PDCD1LG2: variants seen among roughly 807,000 people sequenced by gnomAD.
The protein encoded by PDCD1LG2 is programmed cell death 1 ligand 2.
Under a neutral mutation model 28.2 loss-of-function variants are expected in PDCD1LG2, and 32 were observed. That is an observed-to-expected ratio of 1.13 (90% CI 0.86 to 1.52). The LOEUF (loss-of-function observed/expected upper bound fraction) is 1.52. PDCD1LG2 is among the 40% of genes most tolerant of loss of function. The pLI is 0.00. For missense variants in PDCD1LG2, 385 were observed against 323.8 expected, an observed-to-expected ratio of 1.19 and a Z score of -1.45; for synonymous variants, 116 against 120.2, an observed-to-expected ratio of 0.97 and a Z score of 0.23.
At chr9:5,561,735 T>C (rs1752308677) in intron 5 of PDCD1LG2, among the ~76,000 whole-genome samples, 1 of 152,188 alleles carries the variant, frequency 6.6e-6, no homozygotes, top group Non-Finnish European at 1.5e-5. Flanking sequence ...ACAGTTATCA[T>C]CATAGGCTGG....
intron 2 of PDCD1LG2, among the ~76,000 whole-genome samples, chr9:5,530,215 C>T (rs546306254): frequency 1.3e-5 from 2 of 152,200 alleles, no homozygotes; most frequent in African/African-American, 4.8e-5. Context: ...ATGCATCAAG[C>T]TAGGTGTTCT....
chr9:5,549,621 C>T lies in PDCD1LG2; in HGVS notation c.631+17C>T, dbSNP rs916072607. On this transcript the variant is annotated intron_variant, in intron 4 of 6. Coordinates refer to ENST00000397747, the MANE Select transcript of PDCD1LG2 (RefSeq NM_025239.4). ...ACCTTCAAAGTAAGAGCTGCCCCCACTTCCTAGGTCTATCAGTTAGGGTTC... is the reference window on the plus strand; with the variant it reads ...ACCTTCAAAGTAAGAGCTGCCCCCATTTCCTAGGTCTATCAGTTAGGGTTC... 1.3e-5 allele frequency: 21 copies of T among 1,613,158 alleles called. No homozygotes were observed. Among genetic ancestry groups the T allele is most frequent in the Non-Finnish European group, 1.7e-5 (20 of 1,179,408 alleles).
chr9:5,556,024 G>A (rs2381283), intron 4 of PDCD1LG2, among the ~76,000 whole-genome samples: 149,793 of 152,342 alleles, frequency 0.98, 73,673 homozygotes, highest in South Asian at 1. Flanking sequence ...TTCCATATTG[G>A]CACTTTTCAT....
At chr9:5,521,714 C>T (rs1436676158) in intron 1 of PDCD1LG2, among the ~76,000 whole-genome samples, 3 of 152,218 alleles carry the variant, frequency 2.0e-5, no homozygotes, top group Admixed American at 2.0e-4. Context: ...CTCAGAGCAG[C>T]TCTGCTGTTG....
intron 3 of PDCD1LG2, among the ~76,000 whole-genome samples, chr9:5,543,658 T>C (rs1388056256): frequency 6.6e-6 from 1 of 151,676 alleles, no homozygotes; most frequent in African/African-American, 2.4e-5. Flanking sequence ...CGTTTAAGCC[T>C]CTAAGGCCCA....
At chr9:5,516,582 A>G (rs1378894870) in intron 1 of PDCD1LG2, among the ~76,000 whole-genome samples, 1 of 152,150 alleles carries the variant, frequency 6.6e-6, no homozygotes, top group Non-Finnish European at 1.5e-5. Context: ...TGCCATCAAC[A>G]TGCTGTCCAT....
At chr9:5,544,514 C>A (rs1820754854) in intron 3 of PDCD1LG2, among the ~76,000 whole-genome samples, 1 of 152,190 alleles carries the variant, frequency 6.6e-6, no homozygotes, top group Non-Finnish European at 1.5e-5. Context: ...TATTGGCTGT[C>A]ACGTTCCTAG....
intron 4 of PDCD1LG2, among the ~76,000 whole-genome samples, chr9:5,557,397 T>C (rs1210724799): frequency 6.6e-6 from 1 of 152,140 alleles, no homozygotes; most frequent in Non-Finnish European, 1.5e-5. Context: ...GTGCCTCCCT[T>C]TCTTCACCAG....
rs61760970 is a variant in PDCD1LG2 at position 5,534,918 on chromosome 9, G to C, written c.229G>C (p.Glu77Gln). 1.2e-6 allele frequency: 2 copies of C among 1,614,162 alleles called. No homozygotes were observed. The highest frequency in any genetic ancestry group is 1.7e-6 in the Non-Finnish European group (2 of 1,180,022). The change falls in exon 3 of 7, where the codon GAG (glutamate) becomes CAG (glutamine). Residue 77 changes from glutamate (E) to glutamine (Q), a missense_variant. Physicochemically the swap from Glu to Gln is conservative, Grantham distance 29 (BLOSUM62 2). Transcript: ENST00000397747. Reference sequence around the variant, plus strand: ...ACACCGTGAAAGAGCCACTTTGCTGGAGGAGCAGCTGCCCCTAGGGAAGGC... The same window carrying C: ...ACACCGTGAAAGAGCCACTTTGCTGCAGGAGCAGCTGCCCCTAGGGAAGGC... ...SPHRERATLL[E>Q]EQLPLGKASF... is the part of the protein sequence containing the mutation.
At chr9:5,513,315 A>G (rs1820096365) in intron 1 of PDCD1LG2, among the ~76,000 whole-genome samples, 1 of 152,084 alleles carries the variant, frequency 6.6e-6, no homozygotes, top group Non-Finnish European at 1.5e-5. Flanking sequence ...TTCAACCCCA[A>G]ATCCTACCAG....
At chr9:5,555,454 C>A (rs1347997524) in intron 4 of PDCD1LG2, among the ~76,000 whole-genome samples, 3 of 152,132 alleles carry the variant, frequency 2.0e-5, no homozygotes, top group African/African-American at 7.2e-5. Context: ...AAAGAAACGA[C>A]AAAAGAGTAT....
rs61760971 is a variant in PDCD1LG2, at chr9:5,534,930, C to A, written c.241C>A (p.Pro81Thr). The part of the protein sequence containing the change: ...ERATLLEEQL[P>T]LGKASFHIPQ... ...AGCCACTTTGCTGGAGGAGCAGCTGCCCCTAGGGAAGGCCTCGTTCCACAT... is the reference window on the plus strand; with the variant it reads ...AGCCACTTTGCTGGAGGAGCAGCTGACCCTAGGGAAGGCCTCGTTCCACAT... Residue 81 changes from proline (P) to threonine (T), a missense_variant, in exon 3 of 7, where the codon CCC (proline) becomes ACC (threonine). Coordinates refer to ENST00000397747, the MANE Select transcript of PDCD1LG2 (RefSeq NM_025239.4). 6.2e-7 allele frequency: 1 copy of A among 1,614,080 alleles called. No individual in the cohort carries two copies. The highest frequency in any genetic ancestry group is 8.5e-7 in the Non-Finnish European group (1 of 1,180,000).
intron 2 of PDCD1LG2, among the ~76,000 whole-genome samples, chr9:5,524,434 A>G (rs1341960559): frequency 6.6e-6 from 1 of 152,278 alleles, no homozygotes; most frequent in Non-Finnish European, 1.5e-5. Context: ...CTGAAAGGAA[A>G]GTAAAAATGT....
At chr9:5,543,003 T>TTA (rs1820716117) in intron 3 of PDCD1LG2, among the ~76,000 whole-genome samples, 1 of 152,010 alleles carries the variant, frequency 6.6e-6, no homozygotes, top group African/African-American at 2.4e-5. Flanking sequence ...TATATGCATA[T>TTA]TATATATATA....
chr9:5,532,307 G>T (rs552170094), intron 2 of PDCD1LG2, among the ~76,000 whole-genome samples: 2 of 152,180 alleles, frequency 1.3e-5, no homozygotes, highest in African/African-American at 4.8e-5. Context: ...TTCTAGCCAT[G>T]GTTAAAACAG....
intron 6 of PDCD1LG2, among the ~76,000 whole-genome samples, chr9:5,563,501 C>G (rs918368574): frequency 2.6e-5 from 4 of 152,176 alleles, no homozygotes; most frequent in African/African-American, 9.7e-5. Flanking sequence ...AGAAGATATT[C>G]AACTGCGATG....
intron 1 of PDCD1LG2, among the ~76,000 whole-genome samples, chr9:5,518,885 AGTATTTGGCTCTACT>A (rs1820219364): frequency 6.6e-6 from 1 of 152,220 alleles, no homozygotes; most frequent in Non-Finnish European, 1.5e-5. Flanking sequence ...AACTCTCAAG[AGTATTTGGCTCTACT>A]GATCACTCCT....
intron 1 of PDCD1LG2, among the ~76,000 whole-genome samples, chr9:5,512,203 C>T (rs73641629): frequency 2.0e-5 from 3 of 152,166 alleles, no homozygotes; most frequent in Non-Finnish European, 2.9e-5. Context: ...TTGTTGCATA[C>T]GTGGGTTACT....
At chr9:5,563,322 G>A in intron 6 of PDCD1LG2, 111 bp downstream of exon 6, 1 of 908,108 alleles carries the variant, frequency 1.1e-6, no homozygotes, top group Non-Finnish European at 1.7e-6. Flanking sequence ...AATAGTTCCA[G>A]CTTATAGAAT....
Sources: allele counts gnomAD v4.1 joint callset (sites outside exome capture counted in the v4.1 genomes callset), GRCh38; gene constraint gnomAD v4.1.1; transcripts MANE v1.5; gene names NCBI Gene and HGNC (gene_info 2026-07-23, HGNC 2026-07-21).